Variants in SLC4A10 observed in about 807,000 individuals in gnomAD.
The protein encoded by SLC4A10 is sodium-driven chloride bicarbonate exchanger.
In SLC4A10, 42 loss-of-function variants were observed where a neutral mutation model predicts 137.7. The ratio of observed to expected loss-of-function variants is 0.30; its 90% CI spans 0.24 to 0.39. SLC4A10 has a LOEUF of 0.39. Ranked by LOEUF, SLC4A10 falls within the 10% of genes least tolerant of loss-of-function variation. The pLI is 1.00. For missense variants in SLC4A10, 925 were observed against 1,355.0 expected, an observed-to-expected ratio of 0.68 and a Z score of 4.98; for synonymous variants, 474 against 464.1, an observed-to-expected ratio of 1.02 and a Z score of -0.27.
intron 1 of SLC4A10, among the ~76,000 whole-genome samples, chr2:161,757,804 G>A (rs2049829226): frequency 6.6e-6 from 1 of 152,106 alleles, no homozygotes; most frequent in South Asian, 2.1e-4. Flanking sequence ...CATATGCTAA[G>A]TAGAGGAGAT....
chr2:161,903,994 CCT>C lies in SLC4A10; in HGVS notation c.1443-9_1443-8del, dbSNP rs550693876. 1.3e-4 allele frequency: 202 copies of C among 1,556,334 alleles called. 2 individuals carry two copies. The South Asian group carries it at 2.2e-3, about 17-fold the overall frequency. ...TGGGTTTCACTATTGTGTTTTCCCC[CCT>C]GTCTTAGGATTTTTGGGGGACTTAT... On this transcript the variant is annotated splice_polypyrimidine_tract_variant and splice_region_variant and intron_variant, in intron 12 of 26. Transcript: ENST00000446997.
chr2:161,919,550 G>A (rs1438598116), intron 15 of SLC4A10, among the ~76,000 whole-genome samples: 1 of 152,134 alleles, frequency 6.6e-6, no homozygotes, highest in African/African-American at 2.4e-5. Flanking sequence ...ACCCTCACTG[G>A]TCTCTTCTTA....
At chr2:161,781,569 A>C (rs1252365191) in intron 2 of SLC4A10, among the ~76,000 whole-genome samples, 1 of 152,056 alleles carries the variant, frequency 6.6e-6, no homozygotes, top group African/African-American at 2.4e-5. Flanking sequence ...GTACTGAAAA[A>C]AATGTGCCAA....
chr2:161,640,369 T>C (rs1015160978), intron 1 of SLC4A10, among the ~76,000 whole-genome samples: 1 of 152,278 alleles, frequency 6.6e-6, no homozygotes, highest in Non-Finnish European at 1.5e-5. Context: ...GAATGAACCA[T>C]GTCATTAAGG....
intron 3 of SLC4A10, among the ~76,000 whole-genome samples, chr2:161,838,558 A>G (rs1037877417): frequency 6.6e-6 from 1 of 152,228 alleles, no homozygotes; most frequent in African/African-American, 2.4e-5. Flanking sequence ...GGGAGAAAAG[A>G]CAAATATTGC....
rs547431654 is a variant in SLC4A10, at chr2:161,807,201, A to G, written c.277+2606A>G. Among the ~76,000 whole-genome samples the G allele has an allele frequency of 5.3e-5, 8 of 152,258 alleles. No homozygotes were observed. In the East Asian group the frequency reaches 1.5e-3, roughly 29 times the overall value. The stretch of plus-strand genomic sequence containing the variant: ...TACCTCCCACCAGGTCCCTCCCACA[A>G]CATGTGAGAATTCAAGATGAGATTT... On this transcript the variant is annotated intron_variant, in intron 3 of 26. Coordinates refer to ENST00000446997, the MANE Select transcript of SLC4A10 (RefSeq NM_001178015.2).
At chr2:161,751,944 C>T (rs971284) in intron 1 of SLC4A10, among the ~76,000 whole-genome samples, 41,700 of 151,684 alleles carry the variant, frequency 0.27, 7,462 homozygotes, top group African/African-American at 0.52. Flanking sequence ...GTCTCAGACC[C>T]TTTGTTAATA....
chr2:161,858,977 A>C (rs1407732660), intron 5 of SLC4A10, among the ~76,000 whole-genome samples: 1 of 152,202 alleles, frequency 6.6e-6, no homozygotes, highest in Non-Finnish European at 1.5e-5. Flanking sequence ...TAAGTATTCT[A>C]TTACAGTTTA....
chr2:161,845,072 G>A lies in SLC4A10; in HGVS notation c.416+5145G>A, dbSNP rs538500502. Reference sequence around the variant, plus strand: ...TATTTGAAAACTGGAACAAATTGCAGCACTTTAGGTCATTAACTGCAATCA... The same window carrying A: ...TATTTGAAAACTGGAACAAATTGCAACACTTTAGGTCATTAACTGCAATCA... On this transcript the variant is annotated intron_variant, in intron 4 of 26. Transcript: ENST00000446997. Among the ~76,000 whole-genome samples the A allele has an allele frequency of 2.0e-5, 3 of 152,182 alleles. No individual in the cohort carries two copies. In the South Asian group the frequency reaches 6.2e-4, roughly 32 times the overall value.
chr2:161,765,364 T>C (rs1169534319), intron 1 of SLC4A10, among the ~76,000 whole-genome samples: 1 of 152,122 alleles, frequency 6.6e-6, no homozygotes, highest in African/African-American at 2.4e-5. Flanking sequence ...CTTAGCACTT[T>C]GGGAAGCCAA....
intron 1 of SLC4A10, among the ~76,000 whole-genome samples, chr2:161,746,942 A>C (rs906347518): frequency 6.6e-6 from 1 of 152,068 alleles, no homozygotes; most frequent in African/African-American, 2.4e-5. Context: ...GCTGTAGCTG[A>C]GCTGGTATCG....
At chr2:161,851,962 T>C (rs970140304) in intron 4 of SLC4A10, among the ~76,000 whole-genome samples, 1 of 152,172 alleles carries the variant, frequency 6.6e-6, no homozygotes, top group Non-Finnish European at 1.5e-5. Context: ...TTATCATGGC[T>C]CACTCCAGCC....
chr2:161,925,821 T>C (rs1489099156), intron 15 of SLC4A10, among the ~76,000 whole-genome samples: 1 of 152,208 alleles, frequency 6.6e-6, no homozygotes, highest in Non-Finnish European at 1.5e-5. Flanking sequence ...CCAGTAGTCA[T>C]TCAGGAGCAG....
chr2:161,683,053 A>G (rs569721156), intron 1 of SLC4A10, among the ~76,000 whole-genome samples: 9 of 152,304 alleles, frequency 5.9e-5, no homozygotes, highest in Admixed American at 5.9e-4. Flanking sequence ...GCTTAAAGCA[A>G]GTCATTAGCC....
intron 4 of SLC4A10, among the ~76,000 whole-genome samples, chr2:161,851,123 G>A (rs1183671717): frequency 6.6e-6 from 1 of 152,120 alleles, no homozygotes; most frequent in African/African-American, 2.4e-5. Flanking sequence ...ATTGCTTTAT[G>A]GCTAAGTATG....
chr2:161,910,108 T>C (rs998752010), intron 15 of SLC4A10, among the ~76,000 whole-genome samples: 18 of 152,288 alleles, frequency 1.2e-4, no homozygotes, highest in Admixed American at 6.5e-4. Flanking sequence ...ATAAGATATT[T>C]GAAAAAAGTC....
intron 26 of SLC4A10, among the ~76,000 whole-genome samples, chr2:161,982,503 G>A (rs1700352943): frequency 6.6e-6 from 1 of 152,164 alleles, no homozygotes; most frequent in Admixed American, 6.5e-5. Context: ...ACAGAAATTG[G>A]TAAAGTTAAT....
intron 1 of SLC4A10, among the ~76,000 whole-genome samples, chr2:161,735,519 CA>C: frequency 6.6e-6 from 1 of 152,062 alleles, no homozygotes; most frequent in Non-Finnish European, 1.5e-5. Flanking sequence ...AAATATGACA[CA>C]AGTACCCTTC....
intron 1 of SLC4A10, among the ~76,000 whole-genome samples, chr2:161,705,848 T>C (rs2043606137): frequency 6.6e-6 from 1 of 151,560 alleles, no homozygotes; most frequent in South Asian, 2.1e-4. Context: ...AAGGGTGTTC[T>C]GCTAGGTTTT....
Sources: gnomAD v4.1 joint callset for allele counts (sites outside exome capture counted in the v4.1 genomes callset) on GRCh38, gnomAD v4.1.1 for gene constraint, MANE v1.5 for transcripts, NCBI Gene and HGNC (gene_info 2026-07-23, HGNC 2026-07-21) for gene names.